SLC4A10: variants seen among roughly 807,000 people sequenced by gnomAD.
SLC4A10 encodes the protein sodium-driven chloride bicarbonate exchanger.
In SLC4A10, 42 loss-of-function variants were observed where a neutral mutation model predicts 137.7. The ratio of observed to expected loss-of-function variants is 0.30; its 90% confidence interval spans 0.24 to 0.39. The LOEUF (loss-of-function observed/expected upper bound fraction) is 0.39. SLC4A10 is among the 10% of genes least tolerant of loss of function. The probability of loss-of-function intolerance (pLI) is 1.00; values close to 1 mark genes in which losing one functional copy is unlikely to be tolerated. For missense variants in SLC4A10, 925 were observed against 1,355.0 expected, an observed-to-expected ratio of 0.68 and a Z score of 4.98; for synonymous variants, 474 against 464.1, an observed-to-expected ratio of 1.02 and a Z score of -0.27.
At chr2:161,709,223 C>T (rs188305145) in intron 1 of SLC4A10, among the ~76,000 whole-genome samples, 4 of 151,600 alleles carry the variant, frequency 2.6e-5, no homozygotes, top group Admixed American at 6.6e-5. Flanking sequence ...AAGGATACAT[C>T]GTAGCTAGCT....
At chr2:161,842,943 C>T (rs935722244) in intron 4 of SLC4A10, among the ~76,000 whole-genome samples, 8 of 152,124 alleles carry the variant, frequency 5.3e-5, no homozygotes, top group African/African-American at 1.9e-4. Context: ...TCCTATGTGA[C>T]TTGAAGGAAG....
chr2:161,863,114 T>C, intron 6 of SLC4A10, 52 bp downstream of exon 6: 2 of 1,448,280 alleles, frequency 1.4e-6, no homozygotes, highest in East Asian at 2.3e-5. Context: ...CTCTGACATA[T>C]CAAAGCGCTT....
At chr2:161,771,347 CAATT>C (rs1011553901) in intron 2 of SLC4A10, among the ~76,000 whole-genome samples, 2 of 151,782 alleles carry the variant, frequency 1.3e-5, no homozygotes, top group Non-Finnish European at 2.9e-5. Flanking sequence ...TAATTACAAT[CAATT>C]GAGACATGAT....
At chr2:161,672,838 T>G (rs1165581648) in intron 1 of SLC4A10, among the ~76,000 whole-genome samples, 1 of 152,192 alleles carries the variant, frequency 6.6e-6, no homozygotes, top group Non-Finnish European at 1.5e-5. Context: ...ATTTTTGATC[T>G]TTTTCATTTA....
chr2:161,703,159 T>C (rs1453473899), intron 1 of SLC4A10, among the ~76,000 whole-genome samples: 1 of 151,700 alleles, frequency 6.6e-6, no homozygotes, highest in African/African-American at 2.4e-5. Flanking sequence ...TTTGATCTAG[T>C]AAGTTTACTT....
intron 3 of SLC4A10, among the ~76,000 whole-genome samples, chr2:161,817,451 A>G (rs1264439179): frequency 2.0e-5 from 3 of 151,862 alleles, no homozygotes; most frequent in East Asian, 1.9e-4. Context: ...TTTGATGGTG[A>G]TTTCTTTTGC....
chr2:161,894,075 G>A (rs2063197042), intron 10 of SLC4A10, among the ~76,000 whole-genome samples: 1 of 151,892 alleles, frequency 6.6e-6, no homozygotes, highest in African/African-American at 2.4e-5. Context: ...TCTAAATATA[G>A]GAGTATATGC....
At chr2:161,854,932 T>C (rs751452612) in intron 4 of SLC4A10, 38 bp from the exon 5 acceptor site, 2 of 1,562,994 alleles carry the variant, frequency 1.3e-6, no homozygotes, top group Admixed American at 1.9e-5. Context: ...TAACCTACAA[T>C]ATAATATAAA....
intron 10 of SLC4A10, among the ~76,000 whole-genome samples, chr2:161,890,205 C>T (rs1231676646): frequency 6.6e-6 from 1 of 152,000 alleles, no homozygotes; most frequent in East Asian, 1.9e-4. Context: ...GTTTTACTTC[C>T]AATTATGTGG....
intron 9 of SLC4A10, among the ~76,000 whole-genome samples, chr2:161,881,381 A>G (rs1338345532): frequency 6.6e-6 from 1 of 152,052 alleles, no homozygotes; most frequent in African/African-American, 2.4e-5. Flanking sequence ...TACATAGTAG[A>G]AATTGGCTTG....
rs1205587768 is a variant in SLC4A10 at position 161,873,946 on chromosome 2, A to G, written c.889A>G (p.Ser297Gly). ...GGGAGGCCAACAAAAGGGGCATACT[A>G]GTCCATGTGGGATGAAACAAAGGCA... ...GLGGQQKGHT[S>G]PCGMKQRHEK... The change falls in exon 8 of 27, where the codon AGT becomes GGT. Residue 297 changes from serine (S) to glycine (G), a missense_variant. Ser to Gly is a moderately conservative substitution (Grantham distance 56). Transcript: ENST00000446997. The G allele has an allele frequency of 1.3e-6, 2 of 1,595,210 alleles. No individual in the cohort carries two copies. Among genetic ancestry groups the G allele is most frequent in the Admixed American group, 1.7e-5 (1 of 59,688 alleles).
chr2:161,976,683 T>G, intron 24 of SLC4A10, 77 bp from the exon 25 acceptor site: 1 of 643,164 alleles, frequency 1.6e-6, no homozygotes, highest in Middle Eastern at 2.5e-4. Flanking sequence ...GATTGCCCTA[T>G]ATTTAGTTTC....
At chr2:161,740,113 C>T (rs73005112) in intron 1 of SLC4A10, among the ~76,000 whole-genome samples, 3,782 of 152,266 alleles carry the variant, frequency 0.025, 123 homozygotes, top group African/African-American at 0.075. Context: ...AAACAGCGTG[C>T]AGTTCAGCCC....
chr2:161,885,425 T>C (rs1301869890), intron 10 of SLC4A10, among the ~76,000 whole-genome samples: 1 of 152,194 alleles, frequency 6.6e-6, no homozygotes, highest in Non-Finnish European at 1.5e-5. Context: ...AGTTCTGTTT[T>C]CTTTCCCTTC....
intron 3 of SLC4A10, among the ~76,000 whole-genome samples, chr2:161,810,436 C>T (rs1298199069): frequency 1.3e-5 from 2 of 152,036 alleles, no homozygotes; most frequent in African/African-American, 4.8e-5. Flanking sequence ...GCATCACTTT[C>T]TTGTTCTGGT....
intron 3 of SLC4A10, among the ~76,000 whole-genome samples, chr2:161,808,375 T>A (rs949580199): frequency 6.6e-6 from 1 of 152,182 alleles, no homozygotes; most frequent in African/African-American, 2.4e-5. Context: ...AGTTTTTGCC[T>A]TGCTCATATC....
intron 3 of SLC4A10, among the ~76,000 whole-genome samples, chr2:161,813,519 T>A (rs777142270): frequency 2.6e-5 from 4 of 152,066 alleles, no homozygotes; most frequent in Non-Finnish European, 4.4e-5. Context: ...CATTTTCAGA[T>A]GTTGTCTCTT....
intron 2 of SLC4A10, among the ~76,000 whole-genome samples, chr2:161,776,817 C>T (rs1018308691): frequency 5.3e-5 from 8 of 151,048 alleles, no homozygotes; most frequent in East Asian, 2.0e-4. Context: ...AACAAAAATG[C>T]GCAAGGGGTC....
At position 161,654,955 on chromosome 2, in the gene SLC4A10, G is replaced by A. The variant is rs561743033; in HGVS notation, c.48+30389G>A. On this transcript the variant is annotated intron_variant, in intron 1 of 26. Transcript: ENST00000446997. Reference sequence around the variant, plus strand: ...TGGAGACTGAATTGAATCTGTGGGTGGTTTTGGCTAGTATGAATATTTAAA... The same window carrying A: ...TGGAGACTGAATTGAATCTGTGGGTAGTTTTGGCTAGTATGAATATTTAAA... 2.9e-3 allele frequency among the ~76,000 whole-genome samples: 448 copies of A among 152,068 alleles called. 2 individuals are homozygous for A. Among genetic ancestry groups the A allele is most frequent in the Non-Finnish European group, 5.3e-3 (363 of 67,942 alleles).
Sources: gnomAD v4.1 joint callset for allele counts (sites outside exome capture counted in the v4.1 genomes callset) on GRCh38, gnomAD v4.1.1 for gene constraint, MANE v1.5 for transcripts, NCBI Gene and HGNC (gene_info 2026-07-23, HGNC 2026-07-21) for gene names.